TRPM1: variants seen among roughly 807,000 people sequenced by gnomAD.
TRPM1 encodes TRPM1-203 APA Isoform, Intron 10.
In TRPM1, 113 loss-of-function variants were observed where a neutral mutation model predicts 149.4. That is an observed-to-expected ratio of 0.76 (90% CI 0.65 to 0.88). The LOEUF (loss-of-function observed/expected upper bound fraction) is 0.88. Ranked by LOEUF, TRPM1 falls within the 40% of genes least tolerant of loss-of-function variation. The pLI is 0.00. For synonymous variants in TRPM1, 741 were observed against 759.5 expected (o/e 0.98, Z 0.40); for missense variants, 1,976 against 2,038.7 (o/e 0.97, Z 0.59).
chr15:31,033,116 A>C (rs1205124258), intron 21 of TRPM1, 176 bp from the exon 22 acceptor site: 17 of 815,896 alleles, frequency 2.1e-5, no homozygotes, highest in Non-Finnish European at 3.0e-5. Context: ...GGGAAATTCC[A>C]CGGAATCCTC....
chr15:31,006,425 G>A (rs573687452), intron 27 of TRPM1, among the ~76,000 whole-genome samples: 8 of 152,172 alleles, frequency 5.3e-5, no homozygotes, highest in Non-Finnish European at 1.0e-4. Context: ...TGATCCACCT[G>A]CCTTAGCCTC....
At chr15:31,058,608 GTTCA>G (rs1177432944) in intron 11 of TRPM1, among the ~76,000 whole-genome samples, 1 of 152,198 alleles carries the variant, frequency 6.6e-6, no homozygotes, top group African/African-American at 2.4e-5. Flanking sequence ...ATATGTACAT[GTTCA>G]TCATGTCAAG....
At chr15:31,113,393 G>A (rs1426535618) in intron 1 of TRPM1, among the ~76,000 whole-genome samples, 1 of 151,142 alleles carries the variant, frequency 6.6e-6, no homozygotes, top group African/African-American at 2.4e-5. Flanking sequence ...TCTCCAAAGG[G>A]TCACCTATGC....
At chr15:31,006,414 G>A (rs1038992934) in intron 27 of TRPM1, among the ~76,000 whole-genome samples, 4 of 152,182 alleles carry the variant, frequency 2.6e-5, no homozygotes, top group African/African-American at 9.7e-5. Flanking sequence ...CTGACCTCAG[G>A]TGATCCACCT....
At chr15:31,124,434 G>T (rs571698370) in intron 1 of TRPM1, among the ~76,000 whole-genome samples, 2 of 151,706 alleles carry the variant, frequency 1.3e-5, no homozygotes, top group African/African-American at 4.8e-5. Context: ...CAGGCAGATC[G>T]CATGAGGCCA....
intron 1 of TRPM1, among the ~76,000 whole-genome samples, chr15:31,148,404 C>G (rs1260409849): frequency 6.6e-6 from 1 of 152,126 alleles, no homozygotes; most frequent in East Asian, 1.9e-4. Flanking sequence ...GCAGCTGCAC[C>G]CTGCGTTGTG....
chr15:31,111,831 C>T (rs1313247361), intron 1 of TRPM1, among the ~76,000 whole-genome samples: 3 of 152,098 alleles, frequency 2.0e-5, no homozygotes, highest in African/African-American at 7.2e-5. Flanking sequence ...AATGCTTTAT[C>T]GCTTCTAAAA....
intron 1 of TRPM1, among the ~76,000 whole-genome samples, chr15:31,091,534 A>G (rs2141002150): frequency 6.6e-6 from 1 of 152,332 alleles, no homozygotes; most frequent in South Asian, 2.1e-4. Context: ...AGGGAAGGGC[A>G]CGGAGGGGCA....
At chr15:31,116,174 C>T (rs996550315) in intron 1 of TRPM1, among the ~76,000 whole-genome samples, 3 of 152,154 alleles carry the variant, frequency 2.0e-5, no homozygotes, top group African/African-American at 4.8e-5. Flanking sequence ...CTGCAGCCCC[C>T]TCTAGTCTTC....
intron 1 of TRPM1, among the ~76,000 whole-genome samples, chr15:31,093,588 C>A (rs1399750028): frequency 6.7e-6 from 1 of 149,026 alleles, no homozygotes; most frequent in Non-Finnish European, 1.5e-5. Flanking sequence ...ATGGACAGAG[C>A]AATCTGGTTT....
At chr15:31,045,550 A>G (rs566223936) in intron 16 of TRPM1, among the ~76,000 whole-genome samples, 1 of 152,296 alleles carries the variant, frequency 6.6e-6, no homozygotes, top group African/African-American at 2.4e-5. Context: ...AATAGGTAAG[A>G]ATTATAAAAC....
At chr15:31,139,801 C>A (rs2036135878) in intron 1 of TRPM1, among the ~76,000 whole-genome samples, 1 of 152,130 alleles carries the variant, frequency 6.6e-6, no homozygotes, top group South Asian at 2.1e-4. Flanking sequence ...TGATGGCTAA[C>A]TTTGTGTAAC....
At chr15:31,022,694 A>G (rs906655632) in intron 27 of TRPM1, among the ~76,000 whole-genome samples, 2 of 152,188 alleles carry the variant, frequency 1.3e-5, no homozygotes, top group African/African-American at 4.8e-5. Context: ...ATATTCCATG[A>G]GGGAACTCAT....
intron 16 of TRPM1, among the ~76,000 whole-genome samples, chr15:31,042,832 GA>G (rs1444116982): frequency 6.6e-6 from 1 of 152,234 alleles, no homozygotes; most frequent in Non-Finnish European, 1.5e-5. Context: ...AAGGGGTTAT[GA>G]GAACTGTTCT....
At position 31,116,093 on chromosome 15, in the gene TRPM1, A is replaced by G. The variant is rs547674185; in HGVS notation, c.55-39109T>C. ...GTCACATTTGGGGTTGCATTTCAAT[A>G]ATTTTGGCAGGGACACAAACATTGA... On this transcript the variant is annotated intron_variant, in intron 1 of 26. Transcript: ENST00000542188. 5.4e-4 allele frequency among the ~76,000 whole-genome samples: 82 copies of G among 152,250 alleles called. 1 individual carries two copies. Among genetic ancestry groups the G allele is most frequent in the African/African-American group, 1.9e-3 (80 of 41,556 alleles).
chr15:31,008,001 G>A (rs2032057270), intron 27 of TRPM1, among the ~76,000 whole-genome samples: 1 of 152,168 alleles, frequency 6.6e-6, no homozygotes, highest in Non-Finnish European at 1.5e-5. Context: ...ATGGTATATA[G>A]AAATAAGATT....
At chr15:31,115,179 A>C (rs1341141273) in intron 1 of TRPM1, among the ~76,000 whole-genome samples, 2 of 152,114 alleles carry the variant, frequency 1.3e-5, no homozygotes, top group Admixed American at 1.3e-4. Flanking sequence ...AATCGTCTGA[A>C]CCCAGGAGGC....
intron 4 of TRPM1, chr15:31,069,753 A>G: frequency 6.9e-7 from 1 of 1,440,570 alleles, no homozygotes; most frequent in Non-Finnish European, 9.1e-7. Context: ...GGAGCAATGG[A>G]GTGTGTTTGC....
Position 31,038,112 on chromosome 15 carries a change from A to T in TRPM1, c.2371T>A (p.Tyr791Asn). The T allele has an allele frequency of 6.2e-7, 1 of 1,614,032 alleles. No individual in the cohort carries two copies. Among genetic ancestry groups the T allele is most frequent in the Non-Finnish European group, 8.5e-7 (1 of 1,179,882 alleles). Residue 791 changes from tyrosine to asparagine, a missense_variant, in exon 19 of 28, where the codon TAT becomes AAT. Physicochemically the swap from Tyr to Asn is moderately radical, Grantham distance 143. Transcript: ENST00000256552. The part of the protein sequence containing the change: ...PTILFLEFRT[Y>N]DDFSYQTSKE... ...GATGTTTGATACGAGAAATCATCAT[A>T]TGTGCGAAATTCCAAAAACAAGATG...
Sources: allele counts gnomAD v4.1 joint callset (sites outside exome capture counted in the v4.1 genomes callset), GRCh38; gene constraint gnomAD v4.1.1; transcripts MANE v1.5; gene names NCBI Gene and HGNC (gene_info 2026-07-23, HGNC 2026-07-21).